The following CFAP77 variants were observed in gnomAD, a reference collection of about 807,000 sequenced individuals.
CFAP77 encodes cilia and flagella associated protein 77, also known as cilia- and flagella-associated protein 77.
CFAP77 carries 25 observed loss-of-function variants against 31.1 expected under a neutral mutation model. The ratio of observed to expected loss-of-function variants is 0.80; its 90% CI spans 0.59 to 1.12. The LOEUF is 1.12. Among genes scored for constraint, CFAP77 ranks in the 50% most tolerant of loss-of-function variants. CFAP77 has a pLI of 0.00. For synonymous variants in CFAP77, 151 were observed against 159.9 expected (o/e 0.94, Z 0.42); for missense variants, 377 against 397.3 (o/e 0.95, Z 0.44).
chr9:132,439,753 G>A (rs1366662040), intron 1 of CFAP77, among the ~76,000 whole-genome samples: 1 of 151,586 alleles, frequency 6.6e-6, no homozygotes, highest in African/African-American at 2.4e-5. Flanking sequence ...GAAGGCTGAG[G>A]CAGGAGAATG....
chr9:132,537,722 G>A lies in CFAP77; in HGVS notation c.630+16G>A, dbSNP rs1023984264. 4.4e-6 allele frequency: 7 copies of A among 1,596,218 alleles called. No homozygotes were observed. The highest frequency in any genetic ancestry group is 4.5e-5 in the East Asian group (2 of 44,756). On this transcript the variant is annotated intron_variant, in intron 4 of 5. Coordinates refer to ENST00000393216, the MANE Select transcript of CFAP77 (RefSeq NM_001282957.2). ...GAAGCAGAAGGTAAATGCAGCCCTC[G>A]CTCCCAAGTTGACAGCTGATGGGGT...
intron 3 of CFAP77, among the ~76,000 whole-genome samples, chr9:132,531,686 G>T (rs750920491): frequency 7.9e-5 from 12 of 151,760 alleles, no homozygotes; most frequent in Non-Finnish European, 1.6e-4. Flanking sequence ...TTATGTCCTA[G>T]GTTCTCCCCA....
At chr9:132,529,403 T>C (rs1190138600) in intron 3 of CFAP77, among the ~76,000 whole-genome samples, 3 of 139,362 alleles carry the variant, frequency 2.2e-5, no homozygotes, top group African/African-American at 5.2e-5. Flanking sequence ...ATATACCTAA[T>C]GCTAAATGAC....
At chr9:132,482,259 T>G in intron 1 of CFAP77, 3 of 1,331,410 alleles carry the variant, frequency 2.3e-6, no homozygotes, top group Non-Finnish European at 3.2e-6. Context: ...CTGTGACCCT[T>G]GACAGCTAAA....
Position 132,410,361 on chromosome 9 carries a change from G to GC in CFAP77, c.95dup (p.Arg33AlafsTer35). The GC allele has an allele frequency of 6.3e-7, 1 of 1,598,040 alleles. No homozygotes were observed. Among genetic ancestry groups the GC allele is most frequent in the Non-Finnish European group, 8.5e-7 (1 of 1,173,648 alleles). On this transcript the variant is annotated frameshift_variant, in exon 1 of 6. Coordinates refer to ENST00000393216, the MANE Select transcript of CFAP77 (RefSeq NM_001282957.2). LOFTEE classifies it high-confidence loss of function. ...GCCGCACGGTCAGCCAGGTCTGCCC[G>GC]CCCCCGCGGCGGCCCCTGACCGTGG...
intron 1 of CFAP77, among the ~76,000 whole-genome samples, chr9:132,492,224 G>T (rs937226235): frequency 2.6e-5 from 4 of 152,162 alleles, no homozygotes; most frequent in Non-Finnish European, 5.9e-5. Context: ...GAATGTCGAG[G>T]CTGTAGCAAG....
chr9:132,490,581 G>A lies in CFAP77; in HGVS notation c.196-8114G>A, dbSNP rs963538983. On this transcript the variant is annotated intron_variant, in intron 1 of 5. Coordinates refer to ENST00000393216, the MANE Select transcript of CFAP77 (RefSeq NM_001282957.2). The surrounding 1 kb of genome is among the most constrained non-coding windows in gnomAD (Gnocchi z 4.6). ...CTGGGGAGGGAGGCCAAGGGTCAGC[G>A]CTGGGCACTCCCACCTCTGGCTCCA... Among the ~76,000 whole-genome samples the A allele has an allele frequency of 1.9e-4, 29 of 152,192 alleles. No individual in the cohort carries two copies. The highest frequency in any genetic ancestry group is 6.0e-4 in the African/African-American group (25 of 41,446).
At chr9:132,522,577 A>G (rs770566781) in intron 3 of CFAP77, among the ~76,000 whole-genome samples, 5 of 152,184 alleles carry the variant, frequency 3.3e-5, no homozygotes, top group Non-Finnish European at 7.3e-5. Flanking sequence ...AAAGAACTAC[A>G]TTTACTTAAA....
At chr9:132,571,330 C>A (rs374518836) in intron 5 of CFAP77, among the ~76,000 whole-genome samples, 1 of 152,182 alleles carries the variant, frequency 6.6e-6, no homozygotes, top group East Asian at 1.9e-4. Context: ...ACGCTACCCC[C>A]CTTTGCCCTG....
chr9:132,460,213 G>A (rs1018404984), intron 1 of CFAP77, among the ~76,000 whole-genome samples: 5 of 152,042 alleles, frequency 3.3e-5, no homozygotes, highest in African/African-American at 1.2e-4. Context: ...CCCAGTTCCC[G>A]GGCAGTTCAG....
rs74464330 is a variant in CFAP77, at chr9:132,447,695, C to T, written c.195+37229C>T. On this transcript the variant is annotated intron_variant, in intron 1 of 5. Coordinates refer to ENST00000393216, the MANE Select transcript of CFAP77 (RefSeq NM_001282957.2). ...ACACTAAGCTGCTGACAGCGGCAAA[C>T]GCGGGGACTTCAGACACCTAGCGCA... 2.9e-3 allele frequency among the ~76,000 whole-genome samples: 440 copies of T among 152,342 alleles called. 2 individuals carry two copies. Among genetic ancestry groups the T allele is most frequent in the African/African-American group, 0.01 (420 of 41,568 alleles).
intron 1 of CFAP77, among the ~76,000 whole-genome samples, chr9:132,426,944 A>G (rs1485217943): frequency 6.6e-6 from 1 of 152,252 alleles, no homozygotes; most frequent in Admixed American, 6.5e-5. Context: ...GAATGGAGAA[A>G]GAGAAGATGG....
chr9:132,467,920 T>C (rs548612609), intron 1 of CFAP77, among the ~76,000 whole-genome samples: 57 of 151,976 alleles, frequency 3.8e-4, no homozygotes, highest in South Asian at 3.3e-3. Context: ...AGGTGTGAGA[T>C]GGGGGGAACA....
At chr9:132,465,380 C>T (rs1851135675) in intron 1 of CFAP77, among the ~76,000 whole-genome samples, 1 of 152,112 alleles carries the variant, frequency 6.6e-6, no homozygotes, top group African/African-American at 2.4e-5. Context: ...TAAGAAACAC[C>T]TGGTCATGAA....
chr9:132,490,629 C>T lies in CFAP77; in HGVS notation c.196-8066C>T, dbSNP rs1564225304. Among the ~76,000 whole-genome samples, 1 of 152,136 alleles carries T rather than the reference C, an allele frequency of 6.6e-6. No individual in the cohort carries two copies. The highest frequency in any genetic ancestry group is 1.5e-5 in the Non-Finnish European group (1 of 68,004). On this transcript the variant is annotated intron_variant, in intron 1 of 5. Coordinates refer to ENST00000393216, the MANE Select transcript of CFAP77 (RefSeq NM_001282957.2). This position sits in a 1 kb window ranked among gnomAD's most constrained non-coding sequence, Gnocchi z 4.6. ...CCAGGCCGCTCCCTGCTCTAAGTCC[C>T]CTTGGCCCTCTTACCCTCCCTGGCT...
intron 1 of CFAP77, among the ~76,000 whole-genome samples, chr9:132,488,046 G>A (rs1000845024): frequency 6.6e-6 from 1 of 152,132 alleles, no homozygotes; most frequent in African/African-American, 2.4e-5. Flanking sequence ...TCACTACCAG[G>A]CAACAGGATT....
At chr9:132,566,455 G>C (rs868601963) in intron 5 of CFAP77, among the ~76,000 whole-genome samples, 1 of 152,206 alleles carries the variant, frequency 6.6e-6, no homozygotes, top group Non-Finnish European at 1.5e-5. Context: ...CAAATAAGCA[G>C]GTCTGTTCTT....
intron 1 of CFAP77, among the ~76,000 whole-genome samples, chr9:132,458,740 G>A (rs1850974526): frequency 6.6e-6 from 1 of 152,094 alleles, no homozygotes; most frequent in Non-Finnish European, 1.5e-5. Flanking sequence ...CGTGTTAGGC[G>A]GCACAGATGT....
chr9:132,417,344 A>G (rs549270772), intron 1 of CFAP77, among the ~76,000 whole-genome samples: 42 of 152,050 alleles, frequency 2.8e-4, no homozygotes, highest in African/African-American at 9.4e-4. Context: ...CAAACCCCTG[A>G]CCTCGTGATC....
Sources: gnomAD v4.1 joint callset for allele counts (sites outside exome capture counted in the v4.1 genomes callset) on GRCh38, gnomAD v4.1.1 for gene constraint, Gnocchi (gnomAD v3.1) non-coding constraint, MANE v1.5 for transcripts, NCBI Gene and HGNC (gene_info 2026-07-23, HGNC 2026-07-21) for gene names.